The following UVRAG variants were observed in gnomAD, a reference collection of about 807,000 sequenced individuals.
The protein encoded by UVRAG is UV radiation resistance-associated gene protein.
UVRAG carries 19 observed loss-of-function variants against 78.0 expected under a neutral mutation model. The ratio of observed to expected loss-of-function variants is 0.24; its 90% CI spans 0.17 to 0.36. The LOEUF is 0.36. Among genes scored for constraint, UVRAG ranks in the 10% least tolerant of loss-of-function variants. The pLI is 1.00. For missense variants in UVRAG, 740 were observed against 853.8 expected, an observed-to-expected ratio of 0.87 and a Z score of 1.66; for synonymous variants, 323 against 324.6, an observed-to-expected ratio of 1.00 and a Z score of 0.05.
At chr11:76,053,914 G>A (rs1213984027) in intron 12 of UVRAG, among the ~76,000 whole-genome samples, 1 of 147,038 alleles carries the variant, frequency 6.8e-6, no homozygotes, top group African/African-American at 2.5e-5. Context: ...AGGTTGCAGT[G>A]AGCCGAGATT....
In UVRAG at chr11:75,949,782, T is replaced by TACAC. The variant is rs35811055; in HGVS notation, c.594-11652_594-11649dup. Among the ~76,000 whole-genome samples the TACAC allele has an allele frequency of 7.4e-3, 1,116 of 150,306 alleles. 19 individuals carry two copies. Among genetic ancestry groups the TACAC allele is most frequent in the East Asian group, 0.031 (162 of 5,162 alleles). ...ATGTATACATATATACACATATATA[T>TACAC]ACACACACACACATATACACACAGT... On this transcript the variant is annotated intron_variant, in intron 6 of 14. Coordinates refer to ENST00000356136, the MANE Select transcript of UVRAG (RefSeq NM_003369.4).
At chr11:75,862,884 T>G (rs1565350967) in intron 3 of UVRAG, among the ~76,000 whole-genome samples, 1 of 152,232 alleles carries the variant, frequency 6.6e-6, no homozygotes, top group Non-Finnish European at 1.5e-5. Context: ...GAGTCTAGAA[T>G]AGTATAGATG....
chr11:76,042,528 G>A (rs925285953), intron 12 of UVRAG, among the ~76,000 whole-genome samples: 1 of 152,142 alleles, frequency 6.6e-6, no homozygotes, highest in African/African-American at 2.4e-5. Flanking sequence ...TCCAGTCTCA[G>A]TGCCAGGGAG....
intron 8 of UVRAG, 143 bp from the exon 9 acceptor site, chr11:76,003,862 C>T: frequency 1.5e-6 from 1 of 679,194 alleles, no homozygotes; most frequent in Non-Finnish European, 2.5e-6. Context: ...TAGCTACTCT[C>T]CCCAAAAAAT....
chr11:75,875,470 GTT>G (rs111600154), intron 3 of UVRAG, among the ~76,000 whole-genome samples: 2 of 137,342 alleles, frequency 1.5e-5, no homozygotes, highest in Admixed American at 7.3e-5. Context: ...CTGTGAATTA[GTT>G]TTTTTTTTTT....
chr11:76,015,482 AGTTT>A (rs1298338039), intron 11 of UVRAG, among the ~76,000 whole-genome samples: 7 of 152,168 alleles, frequency 4.6e-5, no homozygotes, highest in Non-Finnish European at 1.0e-4. Flanking sequence ...TCTGAGCCTT[AGTTT>A]GTTTATCTGT....
At chr11:75,828,741 ATATAT>A (rs1945579917) in intron 1 of UVRAG, among the ~76,000 whole-genome samples, 1 of 94,624 alleles carries the variant, frequency 1.1e-5, no homozygotes, top group Non-Finnish European at 1.9e-5. Flanking sequence ...GTATATATAT[ATATAT>A]ACACACACAT....
At chr11:76,040,465 C>G (rs1764883528) in intron 12 of UVRAG, among the ~76,000 whole-genome samples, 4 of 149,046 alleles carry the variant, frequency 2.7e-5, no homozygotes. Flanking sequence ...GTGTGATACT[C>G]CATCTCAAAA....
At chr11:75,879,674 CTA>C (rs1188077359) in intron 3 of UVRAG, among the ~76,000 whole-genome samples, 3 of 152,132 alleles carry the variant, frequency 2.0e-5, no homozygotes, top group African/African-American at 7.2e-5. Flanking sequence ...CTTCTAATGA[CTA>C]TAATAAGTAA....
In UVRAG at chr11:75,815,543, C is replaced by T. The variant is rs940018450; in HGVS notation, c.117+19C>T. 4.9e-6 allele frequency: 6 copies of T among 1,226,732 alleles called. No individual in the cohort carries two copies. The highest frequency in any genetic ancestry group is 6.1e-6 in the Non-Finnish European group (6 of 982,112). The allele number at this position is 1,226,732 out of a possible 1,614,324, so 76.0% of individuals were successfully genotyped here. A position where few individuals can be genotyped will look rare whatever the true frequency, so the allele number is the denominator to read the frequency against. ...TCAGCAGGTAAGCCCGCGCGGCTCG[C>T]AGCACTCGGGAGGGACCCGGGCAGG... is the stretch of plus-strand genomic sequence containing the variant. On this transcript the variant is annotated intron_variant, in intron 1 of 14. Transcript: ENST00000356136.
intron 6 of UVRAG, among the ~76,000 whole-genome samples, chr11:75,921,981 C>T (rs958142031): frequency 3.9e-5 from 6 of 152,028 alleles, no homozygotes; most frequent in Admixed American, 6.6e-5. Flanking sequence ...AAGTAAGGCA[C>T]GTCCTGTTGC....
chr11:76,029,350 A>C (rs1352328390), intron 12 of UVRAG, among the ~76,000 whole-genome samples: 1 of 151,778 alleles, frequency 6.6e-6, no homozygotes, highest in Non-Finnish European at 1.5e-5. Context: ...AAGTCTTCTT[A>C]TTTAAGAAAC....
chr11:75,961,397 A>C, intron 6 of UVRAG, 47 bp from the exon 7 acceptor site: 1 of 1,455,192 alleles, frequency 6.9e-7, no homozygotes, highest in Non-Finnish European at 9.3e-7. Context: ...CTCTTTGTTG[A>C]GTTTACTGTT....
chr11:76,081,240 C>T (rs1951487711), intron 13 of UVRAG, among the ~76,000 whole-genome samples: 1 of 151,738 alleles, frequency 6.6e-6, no homozygotes, highest in Non-Finnish European at 1.5e-5. Flanking sequence ...TGGTCTCGCT[C>T]TGTTGCCCAG....
At chr11:75,894,350 GA>G (rs1221299189) in intron 5 of UVRAG, among the ~76,000 whole-genome samples, 4 of 147,090 alleles carry the variant, frequency 2.7e-5, no homozygotes, top group African/African-American at 2.5e-5. Context: ...ATGGAATGAA[GA>G]AAAAAAAAAC....
chr11:76,013,444 A>G (rs1481281737), intron 11 of UVRAG, among the ~76,000 whole-genome samples: 7 of 152,106 alleles, frequency 4.6e-5, no homozygotes, highest in Non-Finnish European at 8.8e-5. Flanking sequence ...ACTTCTCACT[A>G]ACAAAACTAT....
rs921555824 is a variant in UVRAG at position 76,140,961 on chromosome 11, T to C, written c.1648T>C (p.Ser550Pro). Reference sequence around the variant, plus strand: ...GAGAAAGATAACATCTCTATCCTCCTCCTTGGATACCTCCTTGGACTTCTC... The same window carrying C: ...GAGAAAGATAACATCTCTATCCTCCCCCTTGGATACCTCCTTGGACTTCTC... ...TERKITSLSS[S>P]LDTSLDFSKE... Residue 550 changes from serine to proline, a missense_variant, in exon 15 of 15, where the codon TCC becomes CCC. Transcript: ENST00000356136. 6.2e-7 allele frequency: 1 copy of C among 1,614,066 alleles called. No individual in the cohort carries two copies. The highest frequency in any genetic ancestry group is 1.3e-5 in the African/African-American group (1 of 75,010).
intron 6 of UVRAG, among the ~76,000 whole-genome samples, chr11:75,922,885 A>G (rs1417543762): frequency 2.0e-5 from 3 of 150,802 alleles, no homozygotes; most frequent in African/African-American, 7.3e-5. Flanking sequence ...ATGAGCCGAG[A>G]TTGCACCACT....
chr11:75,843,515 G>A (rs1945961425), intron 1 of UVRAG, among the ~76,000 whole-genome samples: 1 of 152,106 alleles, frequency 6.6e-6, no homozygotes, highest in East Asian at 1.9e-4. Context: ...TTTGATCCAG[G>A]CTTGGACTGT....
Sources: gnomAD v4.1 joint callset for allele counts (sites outside exome capture counted in the v4.1 genomes callset) on GRCh38, gnomAD v4.1.1 for gene constraint, MANE v1.5 for transcripts, NCBI Gene and HGNC (gene_info 2026-07-23, HGNC 2026-07-21) for gene names.